DDX60L: variants seen among roughly 807,000 people sequenced by gnomAD.
The protein encoded by DDX60L is probable ATP-dependent RNA helicase DDX60-like.
A neutral mutation model predicts 211.6 loss-of-function variants in DDX60L; 191 were observed. That is an observed-to-expected ratio of 0.90 (90% CI 0.80 to 1.02). DDX60L has a LOEUF of 1.02. Among genes scored for constraint, DDX60L ranks in the 50% least tolerant of loss-of-function variants. DDX60L has a pLI of 0.00. For missense variants in DDX60L, 2,007 were observed against 1,984.1 expected (o/e 1.01, Z -0.22); for synonymous variants, 706 against 694.1 (o/e 1.02, Z -0.27).
chr4:168,422,969 TTG>T (rs5863932), intron 15 of DDX60L, among the ~76,000 whole-genome samples: 80,265 of 132,724 alleles, frequency 0.6, 23,074 homozygotes, highest in East Asian at 0.95. Context: ...GTGGCTAATA[TTG>T]TGTGTGTGTG....
chr4:168,448,222 A>C (rs1435215158), intron 9 of DDX60L, among the ~76,000 whole-genome samples: 1 of 152,206 alleles, frequency 6.6e-6, no homozygotes, highest in Non-Finnish European at 1.5e-5. Flanking sequence ...TTCTCTGACT[A>C]TGTAAGCCAC....
At chr4:168,415,321 C>A (rs1749354638) in intron 22 of DDX60L, 87 bp downstream of exon 22, 1 of 582,462 alleles carries the variant, frequency 1.7e-6, no homozygotes, top group South Asian at 3.7e-5. Flanking sequence ...TCTATACATG[C>A]TGCAGTTCTA....
At chr4:168,416,449 T>C (rs1055806955) in intron 20 of DDX60L, among the ~76,000 whole-genome samples, 4 of 142,112 alleles carry the variant, frequency 2.8e-5, no homozygotes, top group Non-Finnish European at 6.1e-5. Flanking sequence ...CCAGACATGG[T>C]AATGTACACC....
intron 26 of DDX60L, among the ~76,000 whole-genome samples, chr4:168,397,683 C>T (rs1034121646): frequency 5.3e-5 from 8 of 152,180 alleles, no homozygotes; most frequent in African/African-American, 1.7e-4. Flanking sequence ...TTTGTATGTA[C>T]GACAATCTAA....
chr4:168,448,299 TTTTA>T (rs1182549922), intron 9 of DDX60L, among the ~76,000 whole-genome samples: 1 of 152,196 alleles, frequency 6.6e-6, no homozygotes, highest in African/African-American at 2.4e-5. Context: ...CAAAATGCAG[TTTTA>T]TTTATTTTTA....
chr4:168,476,809 A>T (rs1561152519), intron 1 of DDX60L, among the ~76,000 whole-genome samples: 1 of 152,226 alleles, frequency 6.6e-6, no homozygotes, highest in Non-Finnish European at 1.5e-5. Context: ...GGAGATAGCC[A>T]TGAAATTAGT....
intron 9 of DDX60L, among the ~76,000 whole-genome samples, chr4:168,446,568 A>T (rs988682885): frequency 6.6e-6 from 1 of 152,168 alleles, no homozygotes; most frequent in Non-Finnish European, 1.5e-5. Context: ...AGACTGCATC[A>T]CCAAGTCAAT....
In DDX60L at chr4:168,405,920, A is replaced by C. The variant is rs139224755; in HGVS notation, c.3213+30T>G. 145 of 1,528,838 alleles carry C rather than the reference A, an allele frequency of 9.5e-5. No individual in the cohort carries two copies. In the East Asian group the frequency reaches 3.4e-3, roughly 36 times the overall value. 94.7% of individuals were successfully genotyped at this position (1,528,838 alleles called of 1,614,324 possible). A position where few individuals can be genotyped will look rare whatever the true frequency, so the allele number is the denominator to read the frequency against. On this transcript the variant is annotated intron_variant, in intron 24 of 37. Transcript: ENST00000682922. ...ACTCCAAACAATTAACAATTAAGTG[A>C]AACTTTGTCCAAGAAAGTGTGAAAA...
intron 10 of DDX60L, among the ~76,000 whole-genome samples, chr4:168,434,994 T>C (rs1435532052): frequency 6.6e-6 from 1 of 152,172 alleles, no homozygotes; most frequent in Non-Finnish European, 1.5e-5. Context: ...AGGGTAACTG[T>C]CCACTGGAGA....
Position 168,400,823 on chromosome 4 carries a change from T to TA in DDX60L, c.3491+2dup. 1.2e-6 allele frequency: 2 copies of TA among 1,607,828 alleles called. No homozygotes were observed. The highest frequency in any genetic ancestry group is 2.7e-5 in the African/African-American group (2 of 74,752). ...ATTTGTTTAAGTAAACATTAATACT[T>TA]ACATCCTTTTCTGTGTCTTCCTCAC... is the stretch of plus-strand genomic sequence containing the variant. On this transcript the variant is annotated splice_region_variant and intron_variant, in intron 26 of 37. Coordinates refer to ENST00000682922, the MANE Select transcript of DDX60L (RefSeq NM_001012967.3).
intron 17 of DDX60L, among the ~76,000 whole-genome samples, chr4:168,420,682 T>C (rs7439209): frequency 0.42 from 52,800 of 127,048 alleles, 10,919 homozygotes; most frequent in East Asian, 0.58. Context: ...GATAGATAGA[T>C]AGACAGACAG....
intron 8 of DDX60L, among the ~76,000 whole-genome samples, chr4:168,449,809 A>AAAT (rs1351777937): frequency 3.3e-5 from 3 of 92,038 alleles, no homozygotes; most frequent in African/African-American, 1.1e-4. Context: ...TAAAAATAAA[A>AAAT]AAAAAAAAAA....
chr4:168,406,809 G>A, intron 22 of DDX60L, 103 bp from the exon 23 acceptor site: 2 of 810,588 alleles, frequency 2.5e-6, no homozygotes, highest in Non-Finnish European at 1.9e-6. Flanking sequence ...CTTTACCTGT[G>A]AATCCAGGGA....
chr4:168,399,378 C>T (rs1746392651), intron 26 of DDX60L, among the ~76,000 whole-genome samples: 1 of 152,264 alleles, frequency 6.6e-6, no homozygotes, highest in Admixed American at 6.5e-5. Flanking sequence ...CCATGCCAGC[C>T]GTGGAAGCTG....
At chr4:168,365,698 A>C (rs2149605900) in intron 36 of DDX60L, among the ~76,000 whole-genome samples, 1 of 152,256 alleles carries the variant, frequency 6.6e-6, no homozygotes, top group East Asian at 1.9e-4. Flanking sequence ...TCTGACTCCA[A>C]AACCAGATAA....
At chr4:168,440,398 C>T (rs1753656822) in intron 10 of DDX60L, among the ~76,000 whole-genome samples, 1 of 152,144 alleles carries the variant, frequency 6.6e-6, no homozygotes, top group African/African-American at 2.4e-5. Context: ...CATATATCTA[C>T]CTAAAGTTAT....
chr4:168,370,017 C>A (rs1314312940), intron 36 of DDX60L, among the ~76,000 whole-genome samples: 1 of 152,036 alleles, frequency 6.6e-6, no homozygotes, highest in Non-Finnish European at 1.5e-5. Context: ...TGTGTAAATT[C>A]TTCAAAACAT....
rs1395056411 is a variant in DDX60L, at chr4:168,430,031, C to T, written c.1677+447G>A. Among the ~76,000 whole-genome samples, 3 of 152,216 alleles carry T rather than the reference C, an allele frequency of 2.0e-5. No individual in the cohort carries two copies. The South Asian group carries it at 6.2e-4, about 32-fold the overall frequency. On this transcript the variant is annotated intron_variant, in intron 13 of 37. Transcript: ENST00000682922. The stretch of plus-strand genomic sequence containing the variant: ...TGGCCAACAGGAAGAAACCCTGTGT[C>T]TACTAAAAATACCAAGAATTAGCCG...
intron 37 of DDX60L, among the ~76,000 whole-genome samples, chr4:168,358,945 T>C (rs779877077): frequency 6.6e-6 from 1 of 152,208 alleles, no homozygotes; most frequent in African/African-American, 2.4e-5. Context: ...ATGAAAGCCA[T>C]ATGGACTTCC....
Sources: gnomAD v4.1 joint callset for allele counts (sites outside exome capture counted in the v4.1 genomes callset) on GRCh38, gnomAD v4.1.1 for gene constraint, MANE v1.5 for transcripts, NCBI Gene and HGNC (gene_info 2026-07-23, HGNC 2026-07-21) for gene names.